The following PPFIBP1 variants were observed in gnomAD, a reference collection of about 807,000 sequenced individuals.
PPFIBP1 encodes PPFIB scaffold protein 1, also known as liprin-beta-1.
In PPFIBP1, 112 loss-of-function variants were observed where a neutral mutation model predicts 137.8. The observed-to-expected ratio is 0.81, with a 90% CI of 0.70 to 0.95. PPFIBP1 has a LOEUF of 0.95. Among genes scored for constraint, PPFIBP1 ranks in the 40% least tolerant of loss-of-function variants. The pLI is 0.00. For missense variants in PPFIBP1, 1,083 were observed against 1,196.6 expected, an observed-to-expected ratio of 0.91 and a Z score of 1.40; for synonymous variants, 378 against 417.3, an observed-to-expected ratio of 0.91 and a Z score of 1.15.
intron 1 of PPFIBP1, among the ~76,000 whole-genome samples, chr12:27,524,702 G>A (rs1413629746): frequency 2.6e-5 from 4 of 151,840 alleles, no homozygotes; most frequent in Non-Finnish European, 5.9e-5. Flanking sequence ...TGTGTATTGA[G>A]GCATTTAAAA....
chr12:27,648,430 A>G (rs537875977), intron 6 of PPFIBP1, among the ~76,000 whole-genome samples: 1 of 152,336 alleles, frequency 6.6e-6, no homozygotes, highest in East Asian at 1.9e-4. Flanking sequence ...TGCTATGGAG[A>G]ACAGTTTGGA....
chr12:27,616,121 CCCT>C (rs2055722126), intron 2 of PPFIBP1, among the ~76,000 whole-genome samples: 1 of 151,836 alleles, frequency 6.6e-6, no homozygotes, highest in Non-Finnish European at 1.5e-5. Flanking sequence ...CTGCCTTCCT[CCCT>C]CCTCTTTTCC....
chr12:27,622,271 C>G (rs1028271303), intron 2 of PPFIBP1, among the ~76,000 whole-genome samples: 22 of 152,172 alleles, frequency 1.4e-4, no homozygotes, highest in African/African-American at 5.3e-4. Context: ...AGTTTGCCCC[C>G]CCAGAGCAGT....
intron 1 of PPFIBP1, among the ~76,000 whole-genome samples, chr12:27,540,236 T>G (rs1348785486): frequency 3.3e-5 from 5 of 151,744 alleles, no homozygotes; most frequent in African/African-American, 1.2e-4. Context: ...TTTTTTTTTT[T>G]GTAGAGACTC....
chr12:27,617,232 A>G (rs1592887096), intron 2 of PPFIBP1, among the ~76,000 whole-genome samples: 1 of 152,328 alleles, frequency 6.6e-6, no homozygotes, highest in East Asian at 1.9e-4. Context: ...TAAACACCCC[A>G]TTAAGTAGAA....
At chr12:27,672,392 A>C (rs760180944) in intron 14 of PPFIBP1, 35 bp from the exon 15 acceptor site, 3 of 1,533,594 alleles carry the variant, frequency 2.0e-6, no homozygotes, top group Non-Finnish European at 2.7e-6. Flanking sequence ...TTTATTCGTG[A>C]AGTTAATAAA....
intron 1 of PPFIBP1, among the ~76,000 whole-genome samples, chr12:27,555,729 T>A (rs1315740095): frequency 6.6e-6 from 1 of 152,252 alleles, no homozygotes; most frequent in Non-Finnish European, 1.5e-5. Flanking sequence ...CATCTTTTCA[T>A]TGACTCAAAT....
chr12:27,688,006 A>G lies in PPFIBP1; in HGVS notation c.2371-292A>G, dbSNP rs369895862. 2.6e-5 allele frequency among the ~76,000 whole-genome samples: 4 copies of G among 152,096 alleles called. No homozygotes were observed. The East Asian group carries it at 5.8e-4, about 22-fold the overall frequency. On this transcript the variant is annotated intron_variant, in intron 25 of 29. Coordinates refer to ENST00000228425, the MANE Select transcript of PPFIBP1 (RefSeq NM_003622.4). The stretch of plus-strand genomic sequence containing the variant: ...AGGCTGAGGTAGGAGGATCCGTCTG[A>G]GCCTGGGAGATGGAGGCTGCAGTGA...
At chr12:27,535,297 A>G (rs1440906707) in intron 1 of PPFIBP1, among the ~76,000 whole-genome samples, 1 of 152,222 alleles carries the variant, frequency 6.6e-6, no homozygotes. Context: ...AAAAATTAAA[A>G]TTACAGCATG....
At chr12:27,690,202 G>A (rs764918862) in intron 27 of PPFIBP1, among the ~76,000 whole-genome samples, 32 of 151,904 alleles carry the variant, frequency 2.1e-4, no homozygotes, top group Non-Finnish European at 3.4e-4. Flanking sequence ...CAAATGTGGA[G>A]GGATGCAAAC....
At chr12:27,586,697 A>G (rs550414457) in intron 2 of PPFIBP1, among the ~76,000 whole-genome samples, 2 of 139,406 alleles carry the variant, frequency 1.4e-5, no homozygotes, top group East Asian at 4.0e-4. Flanking sequence ...ACTCTGTCTC[A>G]AGAAAAAAAA....
At chr12:27,653,832 G>T (rs2059029825) in intron 7 of PPFIBP1, among the ~76,000 whole-genome samples, 1 of 152,092 alleles carries the variant, frequency 6.6e-6, no homozygotes, top group Non-Finnish European at 1.5e-5. Flanking sequence ...CAGTAGAAAA[G>T]GTGCAGAATT....
At position 27,681,622 on chromosome 12, in the gene PPFIBP1, T is replaced by A. The variant is rs780459946; in HGVS notation, c.1972T>A (p.Tyr658Asn). 2.5e-6 allele frequency: 4 copies of A among 1,614,090 alleles called. No homozygotes were observed. The South Asian group carries it at 4.4e-5, about 18-fold the overall frequency. Residue 658 changes from tyrosine to asparagine, a missense_variant, in exon 22 of 30, where the codon TAC becomes AAC. Physicochemically the swap from Tyr to Asn is moderately radical, Grantham distance 143. Coordinates refer to ENST00000228425, the MANE Select transcript of PPFIBP1 (RefSeq NM_003622.4). ...GCTGATGGAACAGGGCTTGGGCTCG[T>A]ACCTGAATTCTGGCAAGCACTGGAT... ...NWLMEQGLGS[Y>N]LNSGKHWIAS...
In PPFIBP1 at chr12:27,674,148, A is replaced by C. The variant is rs374980689; in HGVS notation, c.1381-44A>C. On this transcript the variant is annotated intron_variant, in intron 16 of 29. Coordinates refer to ENST00000228425, the MANE Select transcript of PPFIBP1 (RefSeq NM_003622.4). ...ATGTGACAAATTCAGAATTATACAAAGGATTTCCCTAACAACCTTAAATAT... is the reference window on the plus strand; with the variant it reads ...ATGTGACAAATTCAGAATTATACAACGGATTTCCCTAACAACCTTAAATAT... The C allele has an allele frequency of 9.1e-5, 136 of 1,488,410 alleles. 1 individual carries two copies. In the African/African-American group the frequency reaches 1.2e-3, roughly 13 times the overall value. 92.2% of individuals were successfully genotyped at this position (1,488,410 alleles called of 1,614,324 possible). A position where few individuals can be genotyped will look rare whatever the true frequency, so the allele number is the denominator to read the frequency against.
At chr12:27,620,106 C>T (rs1219690452) in intron 2 of PPFIBP1, among the ~76,000 whole-genome samples, 2 of 152,160 alleles carry the variant, frequency 1.3e-5, no homozygotes, top group Non-Finnish European at 1.5e-5. Flanking sequence ...TGAATTGTTG[C>T]AGTTGTTTTC....
chr12:27,554,813 A>AT (rs1210796102), intron 1 of PPFIBP1, among the ~76,000 whole-genome samples: 4 of 152,044 alleles, frequency 2.6e-5, no homozygotes, highest in African/African-American at 9.7e-5. Flanking sequence ...ATGTTGCCAA[A>AT]TTGGAATGTT....
chr12:27,631,982 A>C (rs941523293), intron 2 of PPFIBP1, among the ~76,000 whole-genome samples: 5 of 151,608 alleles, frequency 3.3e-5, no homozygotes, highest in African/African-American at 1.2e-4. Context: ...TGTGTGAATA[A>C]ATTTTTTGGA....
chr12:27,573,004 A>G (rs1403464504), intron 1 of PPFIBP1, among the ~76,000 whole-genome samples: 1 of 152,184 alleles, frequency 6.6e-6, no homozygotes, highest in Non-Finnish European at 1.5e-5. Flanking sequence ...GAGTTACTAG[A>G]TAGTCAGAAA....
chr12:27,540,778 T>A (rs2135997080), intron 1 of PPFIBP1, among the ~76,000 whole-genome samples: 2 of 152,374 alleles, frequency 1.3e-5, no homozygotes, highest in Non-Finnish European at 2.9e-5. Flanking sequence ...CTTTTTAATG[T>A]ATTTGATATT....
Sources: allele counts gnomAD v4.1 joint callset (sites outside exome capture counted in the v4.1 genomes callset), GRCh38; gene constraint gnomAD v4.1.1; transcripts MANE v1.5; gene names NCBI Gene and HGNC (gene_info 2026-07-23, HGNC 2026-07-21).